SLC38A3: variants seen among roughly 807,000 people sequenced by gnomAD.
SLC38A3 encodes solute carrier family 38 member 3.
In SLC38A3, 17 loss-of-function variants were observed where a neutral mutation model predicts 59.5. The observed-to-expected ratio is 0.29, with a 90% CI of 0.20 to 0.43. SLC38A3 has a LOEUF of 0.43. SLC38A3 is among the 20% of genes least tolerant of loss of function. The pLI is 1.00. For synonymous variants in SLC38A3, 238 were observed against 260.3 expected (o/e 0.91, Z 0.82); for missense variants, 454 against 653.9 (o/e 0.69, Z 3.33).
intron 7 of SLC38A3, among the ~76,000 whole-genome samples, chr3:50,216,206 C>A (rs781098113): frequency 7.2e-5 from 11 of 152,244 alleles, no homozygotes; most frequent in Non-Finnish European, 1.5e-4. Context: ...GTCCCAGTTG[C>A]CTATCACTTT....
intron 1 of SLC38A3, among the ~76,000 whole-genome samples, chr3:50,210,673 C>G (rs181141608): frequency 6.6e-6 from 1 of 152,148 alleles, no homozygotes; most frequent in Non-Finnish European, 1.5e-5. Flanking sequence ...CAACACCTGC[C>G]GAGGTGTGCC....
chr3:50,218,998 C>G lies in SLC38A3; in HGVS notation c.1306+50C>G, dbSNP rs374982905. 8.4e-5 allele frequency: 132 copies of G among 1,579,760 alleles called. No individual in the cohort carries two copies. Among genetic ancestry groups the G allele is most frequent in the Non-Finnish European group, 1.1e-4 (123 of 1,155,436 alleles). ...AGCAGGGTATTGCCCCAGAGGATTT[C>G]AACTCTGCAAATCCTGGCAGATTCC... On this transcript the variant is annotated intron_variant, in intron 14 of 15. Coordinates refer to ENST00000614032, the MANE Select transcript of SLC38A3 (RefSeq NM_006841.6). The surrounding 1 kb of genome is among the most constrained non-coding windows in gnomAD (Gnocchi z 5.8).
At chr3:50,209,648 C>CAAAAAAAAAAAAAAAAAA (rs113482440) in intron 1 of SLC38A3, among the ~76,000 whole-genome samples, 1 of 114,928 alleles carries the variant, frequency 8.7e-6, no homozygotes, top group African/African-American at 3.3e-5. Context: ...GACTCCGTCT[C>CAAAAAAAAAAAAAAAAAA]AAAAAAAAAA....
At chr3:50,212,984 A>C (rs987816206) in intron 1 of SLC38A3, among the ~76,000 whole-genome samples, 3 of 152,282 alleles carry the variant, frequency 2.0e-5, no homozygotes, top group Middle Eastern at 3.4e-3. Context: ...CCTCCTGGCC[A>C]GGCTGGCCTT....
chr3:50,211,408 T>C (rs1053810998), intron 1 of SLC38A3, among the ~76,000 whole-genome samples: 1 of 152,140 alleles, frequency 6.6e-6, no homozygotes, highest in African/African-American at 2.4e-5. Flanking sequence ...GAACCTTCCT[T>C]CAACGCTTAC....
Position 50,218,206 on chromosome 3 carries a change from C to A in SLC38A3, c.936-64C>A. On this transcript the variant is annotated intron_variant, in intron 11 of 15. Transcript: ENST00000614032. The surrounding 1 kb of genome is among the most constrained non-coding windows in gnomAD (Gnocchi z 5.8). ...GTATGGTGCCAGAGAGAGCTTGGGG[C>A]ACATGGGGGTCTCCCAATGTTACCC... 1.6e-6 allele frequency: 2 copies of A among 1,223,496 alleles called. No homozygotes were observed. The highest frequency in any genetic ancestry group is 2.4e-6 in the Non-Finnish European group (2 of 826,104). The allele number at this position is 1,223,496 out of a possible 1,614,324, so 75.8% of individuals were successfully genotyped here. A position where few individuals can be genotyped will look rare whatever the true frequency, so the allele number is the denominator to read the frequency against.
Position 50,206,834 on chromosome 3 carries a change from G to A in SLC38A3, c.-52+1486G>A, listed in dbSNP as rs563876003. Among the ~76,000 whole-genome samples, 19 of 152,268 alleles carry A rather than the reference G, an allele frequency of 1.2e-4. No homozygotes were observed. In the South Asian group the frequency reaches 3.9e-3, roughly 32 times the overall value. Reference sequence around the variant, plus strand: ...TCCTTGTTGTGTGCTGGTTTTTTTGGCCCATGTCACAAATGGTCCCCACAC... The same window carrying A: ...TCCTTGTTGTGTGCTGGTTTTTTTGACCCATGTCACAAATGGTCCCCACAC... On this transcript the variant is annotated intron_variant, in intron 1 of 15. Coordinates refer to ENST00000614032, the MANE Select transcript of SLC38A3 (RefSeq NM_006841.6).
intron 15 of SLC38A3, 22 bp downstream of exon 15, chr3:50,220,006 G>A (rs779465531): frequency 6.2e-7 from 1 of 1,605,984 alleles, no homozygotes; most frequent in Non-Finnish European, 8.5e-7. Flanking sequence ...CTGGAGGCCG[G>A]TGGGCTGGTA....
intron 1 of SLC38A3, among the ~76,000 whole-genome samples, chr3:50,208,560 G>A (rs1481574662): frequency 6.6e-6 from 1 of 152,220 alleles, no homozygotes; most frequent in Non-Finnish European, 1.5e-5. Context: ...ACCATGCCCG[G>A]CCTTACAGCT....
intron 1 of SLC38A3, among the ~76,000 whole-genome samples, chr3:50,210,767 T>C (rs1699714798): frequency 6.6e-6 from 1 of 152,126 alleles, no homozygotes; most frequent in Non-Finnish European, 1.5e-5. Context: ...CTCCTGGCCC[T>C]TATCTCCCAG....
In SLC38A3 at chr3:50,220,121, A is replaced by G. The variant is rs1199786903; in HGVS notation, c.1459A>G (p.Ser487Gly). 1.9e-6 allele frequency: 3 copies of G among 1,606,094 alleles called. No homozygotes were observed. The highest frequency in any genetic ancestry group is 2.2e-5 in the South Asian group (2 of 89,582). ...CTTCTTGCTGATGACCATGAGCTTG[A>G]GCTTCATCATCATTGACTGGGCCTC... Reference protein sequence around the residue: ...LGFLLMTMSLSFIIIDWASGT... With the variant: ...LGFLLMTMSLGFIIIDWASGT... Residue 487 changes from serine to glycine, a missense_variant, in exon 16 of 16, where the codon AGC becomes GGC. By Grantham distance (56) the Ser-to-Gly change is moderately conservative (BLOSUM62 0). Around this residue, in one of 3 missense-constraint regions of SLC38A3, gnomAD observed 59 missense variants for 70.8 expected, o/e 0.83. Coordinates refer to ENST00000614032, the MANE Select transcript of SLC38A3 (RefSeq NM_006841.6).
chr3:50,211,164 G>A (rs957099308), intron 1 of SLC38A3, among the ~76,000 whole-genome samples: 1 of 152,204 alleles, frequency 6.6e-6, no homozygotes. Flanking sequence ...CCTTCCCTGA[G>A]TTTACCCCGA....
In SLC38A3 at chr3:50,214,896, C is replaced by T. The variant is rs1699794087; in HGVS notation, c.299+128C>T. 5.9e-6 allele frequency: 4 copies of T among 682,290 alleles called. No homozygotes were observed. The highest frequency in any genetic ancestry group is 1.0e-5 in the Non-Finnish European group (4 of 385,962). The allele number at this position is 682,290 out of a possible 1,614,324, so 42.3% of individuals were successfully genotyped here. On this transcript the variant is annotated intron_variant, in intron 4 of 15. Transcript: ENST00000614032. This position sits in a 1 kb window ranked among gnomAD's most constrained non-coding sequence, Gnocchi z 6.0. Reference sequence around the variant, plus strand: ...AGTGGGTGGGCACTTCTTACACTAACAAACCGCGGCTGAAAAAAACATCCA... The same window carrying T: ...AGTGGGTGGGCACTTCTTACACTAATAAACCGCGGCTGAAAAAAACATCCA...
intron 1 of SLC38A3, among the ~76,000 whole-genome samples, chr3:50,206,488 C>T (rs985426390): frequency 3.3e-5 from 5 of 152,246 alleles, no homozygotes; most frequent in African/African-American, 9.6e-5. Flanking sequence ...GGAAAGGAAG[C>T]ACATCCCTCG....
chr3:50,219,106 A>G (rs1457307548), intron 14 of SLC38A3, among the ~76,000 whole-genome samples, 158 bp downstream of exon 14: 3 of 152,118 alleles, frequency 2.0e-5, no homozygotes, highest in African/African-American at 7.2e-5. Flanking sequence ...GGCTATTCTA[A>G]TCCCTTTTCA....
At chr3:50,207,946 A>G (rs1699667959) in intron 1 of SLC38A3, 1 of 152,376 alleles carries the variant, frequency 6.6e-6, no homozygotes, top group Non-Finnish European at 1.5e-5. Context: ...CATCATCTCC[A>G]CATGTATTTT....
At chr3:50,207,035 G>A (rs1699656339) in intron 1 of SLC38A3, among the ~76,000 whole-genome samples, 1 of 152,230 alleles carries the variant, frequency 6.6e-6, no homozygotes, top group South Asian at 2.1e-4. Context: ...AGCTGAACTG[G>A]ACACACCCTG....
At chr3:50,206,517 A>T (rs946352281) in intron 1 of SLC38A3, among the ~76,000 whole-genome samples, 4 of 152,144 alleles carry the variant, frequency 2.6e-5, no homozygotes, top group Admixed American at 6.5e-5. Context: ...AGTCTGGGGG[A>T]TAGAAAGCTA....
Position 50,218,252 on chromosome 3 carries a change from C to T in SLC38A3, c.936-18C>T, listed in dbSNP as rs1161357648. On this transcript the variant is annotated intron_variant, in intron 11 of 15. Coordinates refer to ENST00000614032, the MANE Select transcript of SLC38A3 (RefSeq NM_006841.6). This position sits in a 1 kb window ranked among gnomAD's most constrained non-coding sequence, Gnocchi z 5.8. ...TACCCAGCTTGTCACCAACACCCACCCCCCCACTTCCCCACAGCCCCTCCA... is the reference window on the plus strand; with the variant it reads ...TACCCAGCTTGTCACCAACACCCACTCCCCCACTTCCCCACAGCCCCTCCA... 3.4e-6 allele frequency: 5 copies of T among 1,483,648 alleles called. No individual in the cohort carries two copies. The highest frequency in any genetic ancestry group is 1.7e-5 in the Admixed American group (1 of 59,802). The allele number at this position is 1,483,648 out of a possible 1,614,324, so 91.9% of individuals were successfully genotyped here. A position where few individuals can be genotyped will look rare whatever the true frequency, so the allele number is the denominator to read the frequency against.
Sources: gnomAD v4.1 joint callset for allele counts (sites outside exome capture counted in the v4.1 genomes callset) on GRCh38, gnomAD v4.1.1 for gene constraint, gnomAD v4.1.1 regional missense constraint, Gnocchi (gnomAD v3.1) non-coding constraint, MANE v1.5 for transcripts, NCBI Gene and HGNC (gene_info 2026-07-23, HGNC 2026-07-21) for gene names.